The following AUTS2 variants were observed in gnomAD, a reference collection of about 807,000 sequenced individuals.
AUTS2 encodes activator of transcription and developmental regulator AUTS2.
Under a neutral mutation model 112.4 loss-of-function variants are expected in AUTS2, and 17 were observed. The observed-to-expected ratio is 0.15, with a 90% CI of 0.10 to 0.23. The LOEUF (loss-of-function observed/expected upper bound fraction) is 0.23. Among genes scored for constraint, AUTS2 ranks in the 10% least tolerant of loss-of-function variants. The pLI, the probability that AUTS2 is intolerant of heterozygous loss-of-function variation, is 1.00. For missense variants in AUTS2, 1,510 were observed against 1,701.6 expected (o/e 0.89, Z 1.98); for synonymous variants, 751 against 702.7 (o/e 1.07, Z -1.09).
chr7:69,907,200 G>C (rs1215536067), intron 2 of AUTS2, among the ~76,000 whole-genome samples: 1 of 152,174 alleles, frequency 6.6e-6, no homozygotes, highest in African/African-American at 2.4e-5. Context: ...TCTTACCTTT[G>C]TGTAGTTCTC....
intron 4 of AUTS2, among the ~76,000 whole-genome samples, chr7:70,169,243 T>G (rs1244005437): frequency 6.6e-6 from 1 of 151,662 alleles, no homozygotes; most frequent in African/African-American, 2.4e-5. Context: ...ATTATTAATA[T>G]ATATATATTT....
At chr7:69,928,690 A>T (rs1214418168) in intron 2 of AUTS2, among the ~76,000 whole-genome samples, 1 of 152,088 alleles carries the variant, frequency 6.6e-6, no homozygotes. Flanking sequence ...AAGCAGGAGC[A>T]GGCACTTCTG....
At chr7:70,194,741 A>C (rs1810086452) in intron 4 of AUTS2, 1 of 152,264 alleles carries the variant, frequency 6.6e-6, no homozygotes, top group Non-Finnish European at 1.5e-5. Flanking sequence ...TTTTGACCCA[A>C]AAGATAATTT....
intron 2 of AUTS2, among the ~76,000 whole-genome samples, chr7:69,948,046 A>G (rs1446783115): frequency 6.6e-6 from 1 of 152,254 alleles, no homozygotes; most frequent in African/African-American, 2.4e-5. Flanking sequence ...CTACATACAC[A>G]TCAAAGCAAT....
chr7:70,585,214 G>A (rs1585334834), intron 5 of AUTS2, among the ~76,000 whole-genome samples: 2 of 152,160 alleles, frequency 1.3e-5, no homozygotes, highest in African/African-American at 4.8e-5. Context: ...TGGGGGTCCT[G>A]CAGGGGGCAA....
chr7:69,750,196 G>T (rs548100982), intron 1 of AUTS2, among the ~76,000 whole-genome samples: 68 of 152,128 alleles, frequency 4.5e-4, no homozygotes, highest in African/African-American at 1.6e-3. Flanking sequence ...CAGTGTGGTA[G>T]GTTGTGTATT....
chr7:70,224,357 TACAATACAATACAATACAATACAATAC>T (rs1354718219), intron 4 of AUTS2, among the ~76,000 whole-genome samples: 2 of 132,790 alleles, frequency 1.5e-5, no homozygotes, highest in African/African-American at 6.3e-5. Context: ...TACAATACAA[TACAATACAATACAATACAATACAATAC>T]AATACAATAC....
At chr7:69,755,937 A>T (rs1321332574) in intron 1 of AUTS2, among the ~76,000 whole-genome samples, 1 of 152,156 alleles carries the variant, frequency 6.6e-6, no homozygotes, top group East Asian at 1.9e-4. Context: ...GCTAATGGTT[A>T]TCCCTGGATG....
At chr7:70,431,323 T>A (rs948669570) in intron 4 of AUTS2, among the ~76,000 whole-genome samples, 1 of 152,262 alleles carries the variant, frequency 6.6e-6, no homozygotes, top group Non-Finnish European at 1.5e-5. Flanking sequence ...CAAAAATGTA[T>A]TAACAGTGTT....
chr7:70,438,060 A>G (rs1011731247), intron 5 of AUTS2, among the ~76,000 whole-genome samples: 9 of 151,954 alleles, frequency 5.9e-5, no homozygotes, highest in South Asian at 2.1e-4. Context: ...GTCTTGAACC[A>G]TGGGTCTTGA....
chr7:70,424,794 C>G (rs1330927597), intron 4 of AUTS2, among the ~76,000 whole-genome samples: 1 of 152,078 alleles, frequency 6.6e-6, no homozygotes, highest in Non-Finnish European at 1.5e-5. Context: ...GCTATGTTGC[C>G]CAGGCTGGTC....
rs567306633 is a variant in AUTS2 at position 70,374,750 on chromosome 7, A to G, written c.661-61002A>G. On this transcript the variant is annotated intron_variant, in intron 4 of 18. Coordinates refer to ENST00000342771, the MANE Select transcript of AUTS2 (RefSeq NM_015570.4). The stretch of plus-strand genomic sequence containing the variant: ...TCAGTTTGAGATCTTTTCCACTTAC[A>G]GTAACTAAGTCCTCATCTTCTTGCA... Among the ~76,000 whole-genome samples the G allele has an allele frequency of 1.6e-4, 25 of 152,342 alleles. No homozygotes were observed. The South Asian group carries it at 5.0e-3, about 30-fold the overall frequency.
chr7:69,988,880 A>G (rs1798622395), intron 2 of AUTS2, among the ~76,000 whole-genome samples: 1 of 152,016 alleles, frequency 6.6e-6, no homozygotes, highest in South Asian at 2.1e-4. Context: ...GATTTCAACA[A>G]CCCCTTTCCT....
intron 1 of AUTS2, among the ~76,000 whole-genome samples, chr7:69,781,210 A>G (rs1789131573): frequency 1.3e-5 from 2 of 152,236 alleles, no homozygotes; most frequent in Admixed American, 1.3e-4. Flanking sequence ...TCCATGGCCT[A>G]GATGAAGGTT....
At chr7:70,358,758 T>C (rs904766159) in intron 4 of AUTS2, among the ~76,000 whole-genome samples, 1 of 152,232 alleles carries the variant, frequency 6.6e-6, no homozygotes, top group Admixed American at 6.5e-5. Flanking sequence ...GATCCCCTTA[T>C]GCATGGTCTC....
chr7:70,293,784 A>C (rs777797202), intron 4 of AUTS2: 2 of 152,164 alleles, frequency 1.3e-5, no homozygotes, highest in Non-Finnish European at 2.9e-5. Context: ...AATTTGGTAC[A>C]TTAGTTATTT....
chr7:69,636,760 T>C (rs1243651516), intron 1 of AUTS2, among the ~76,000 whole-genome samples: 1 of 151,526 alleles, frequency 6.6e-6, no homozygotes, highest in Non-Finnish European at 1.5e-5. Flanking sequence ...TTTTATAAAA[T>C]GTTGTCCTAC....
intron 4 of AUTS2, among the ~76,000 whole-genome samples, chr7:70,299,762 C>T (rs1004816319): frequency 2.0e-5 from 3 of 151,750 alleles, no homozygotes; most frequent in African/African-American, 7.3e-5. Context: ...GGTTTTAATC[C>T]AGACCTATAG....
intron 2 of AUTS2, among the ~76,000 whole-genome samples, chr7:69,993,711 G>A (rs1321810618): frequency 6.6e-6 from 1 of 152,010 alleles, no homozygotes. Context: ...TTTAGCCTGG[G>A]CAATAGTGAG....
Sources: allele counts gnomAD v4.1 joint callset (sites outside exome capture counted in the v4.1 genomes callset), GRCh38; gene constraint gnomAD v4.1.1; transcripts MANE v1.5; gene names NCBI Gene and HGNC (gene_info 2026-07-23, HGNC 2026-07-21).